GAL3ST1: variants seen among roughly 807,000 people sequenced by gnomAD.
GAL3ST1 encodes the protein galactose-3-O-sulfotransferase 1.
GAL3ST1 carries 13 observed loss-of-function variants against 25.0 expected under a neutral mutation model. The observed-to-expected ratio is 0.52, with a 90% CI of 0.34 to 0.83. The LOEUF is 0.83. Among genes scored for constraint, GAL3ST1 ranks in the 40% least tolerant of loss-of-function variants. The pLI is 0.02. For missense variants in GAL3ST1, 474 were observed against 613.6 expected (o/e 0.77, Z 2.40); for synonymous variants, 274 against 277.8 (o/e 0.99, Z 0.14).
chr22:30,568,731 T>C (rs544875998), intron 1 of GAL3ST1, among the ~76,000 whole-genome samples: 1 of 151,962 alleles, frequency 6.6e-6, no homozygotes, highest in African/African-American at 2.4e-5. Context: ...ATAGGCTGGG[T>C]GGGCAGGGGA....
chr22:30,572,138 T>C (rs1219810057), intron 1 of GAL3ST1, among the ~76,000 whole-genome samples: 2 of 152,190 alleles, frequency 1.3e-5, no homozygotes, highest in Non-Finnish European at 2.9e-5. Flanking sequence ...AGTCAGTCAC[T>C]TTGTCATTAG....
At chr22:30,561,940 G>A (rs2086432685) in intron 1 of GAL3ST1, among the ~76,000 whole-genome samples, 1 of 152,172 alleles carries the variant, frequency 6.6e-6, no homozygotes, top group Non-Finnish European at 1.5e-5. Context: ...CAAGATCAAG[G>A]CACACAGAGC....
chr22:30,555,603 C>T lies in GAL3ST1; in HGVS notation c.622G>A (p.Gly208Ser), dbSNP rs377326984. 4.3e-6 allele frequency: 7 copies of T among 1,613,394 alleles called. No homozygotes were observed. Among genetic ancestry groups the T allele is most frequent in the African/African-American group, 2.7e-5 (2 of 74,914 alleles). The change falls in exon 4 of 4, where the codon GGC becomes AGC. Residue 208 changes from glycine to serine, a missense_variant. This residue lies in a region of GAL3ST1 where 359 missense variants were observed against 504.4 expected (regional missense o/e 0.71). Coordinates refer to ENST00000406361, the MANE Select transcript of GAL3ST1 (RefSeq NM_001318104.2). The surrounding 1 kb of genome is among the most constrained non-coding windows in gnomAD (Gnocchi z 8.6). ...QDPDRYYDPN[G>S]FNAHYLRNLL... ...TTTCGGAGGTAGTGGGCATTGAAGC[C>T]GTTGGGGTCGTAGTAGCGATCCGGG... is the stretch of plus-strand genomic sequence containing the variant.
chr22:30,567,839 A>G (rs1194862627), intron 1 of GAL3ST1, among the ~76,000 whole-genome samples: 2 of 151,940 alleles, frequency 1.3e-5, no homozygotes, highest in East Asian at 3.9e-4. Context: ...ACCCGCCACC[A>G]CACCCAGCTA....
chr22:30,562,930 C>T (rs1003405504), intron 1 of GAL3ST1, among the ~76,000 whole-genome samples: 1 of 152,172 alleles, frequency 6.6e-6, no homozygotes, highest in Non-Finnish European at 1.5e-5. Flanking sequence ...GCCTGGCCAA[C>T]ATGCTGAAAC....
rs75344364 is a variant in GAL3ST1, at chr22:30,554,788, T to G, written c.*165A>C. Reference sequence around the variant, plus strand: ...GATCTCGGTTAGGCCCTCTCTGTGTTCATGGGCCCAGTCTTGGCTGGCTGC... The same window carrying G: ...GATCTCGGTTAGGCCCTCTCTGTGTGCATGGGCCCAGTCTTGGCTGGCTGC... On this transcript the variant is annotated 3_prime_UTR_variant, in exon 4 of 4. Transcript: ENST00000406361. The G allele has an allele frequency of 2.3e-3, 1,280 of 560,252 alleles. 14 individuals carry two copies. The highest frequency in any genetic ancestry group is 0.022 in the African/African-American group (1,157 of 52,066). 34.7% of individuals were successfully genotyped at this position (560,252 alleles called of 1,614,324 possible).
rs1275101792 is a variant in GAL3ST1, at chr22:30,555,790, G to A, written c.435C>T (p.His145=). ...GCACCAGGCCGCGCACCTCGTCGTA[G>A]TGGAAGCGCATGTGGTTGCAGATGA... ...FNIICNHMRF[H]YDEVRGLVPT... is the part of the protein sequence containing the mutation. The change falls in exon 4 of 4, where the codon CAC becomes CAT. Residue 145 remains histidine, a synonymous_variant. Transcript: ENST00000406361. The surrounding 1 kb of genome is among the most constrained non-coding windows in gnomAD (Gnocchi z 8.6). The A allele has an allele frequency of 3.1e-6, 5 of 1,614,172 alleles. No individual in the cohort carries two copies. Among genetic ancestry groups the A allele is most frequent in the Middle Eastern group, 1.6e-4 (1 of 6,062 alleles).
chr22:30,574,417 A>G (rs1333671883), intron 1 of GAL3ST1, 49 bp downstream of exon 1: 2 of 151,860 alleles, frequency 1.3e-5, no homozygotes, highest in Admixed American at 1.3e-4. Context: ...CAGGGAGTAG[A>G]CTGAGGCAGG....
chr22:30,557,771 A>C, intron 2 of GAL3ST1: 2 of 151,670 alleles, frequency 1.3e-5, no homozygotes, highest in Non-Finnish European at 1.3e-5. Context: ...AAAATGAGAC[A>C]ACTAATACTT....
At chr22:30,568,454 G>A (rs1360703051) in intron 1 of GAL3ST1, among the ~76,000 whole-genome samples, 1 of 152,144 alleles carries the variant, frequency 6.6e-6, no homozygotes, top group East Asian at 1.9e-4. Context: ...TGAACGGGGT[G>A]GTCTCCAAGG....
intron 1 of GAL3ST1, among the ~76,000 whole-genome samples, chr22:30,566,776 A>AT (rs1202435055): frequency 3.3e-5 from 5 of 151,550 alleles, no homozygotes; most frequent in African/African-American, 9.7e-5. Context: ...TGCTCGGCTA[A>AT]TTTTTTGTAT....
At chr22:30,571,238 G>T (rs114862865) in intron 1 of GAL3ST1, among the ~76,000 whole-genome samples, 1 of 152,090 alleles carries the variant, frequency 6.6e-6, no homozygotes, top group Non-Finnish European at 1.5e-5. Context: ...CAGCAGAAGG[G>T]GCGGATGGGA....
In GAL3ST1 at chr22:30,555,706, G is replaced by A; in HGVS notation, c.519C>T (p.Ser173=). The A allele has an allele frequency of 6.2e-7, 1 of 1,613,952 alleles. No homozygotes were observed. The highest frequency in any genetic ancestry group is 8.5e-7 in the Non-Finnish European group (1 of 1,180,036). The change falls in exon 4 of 4, where the codon TCC becomes TCT. Residue 173 remains serine, a synonymous_variant. Transcript: ENST00000406361. The surrounding 1 kb of genome is among the most constrained non-coding windows in gnomAD (Gnocchi z 8.6). ...LRDPARLFES[S]FHYFGPVVPL... is the part of the protein sequence containing the mutation. ...GCACCACCGGCCCGAAGTAGTGGAAGGAGGACTCGAACAAGCGGGCGGGGT... is the reference window on the plus strand; with the variant it reads ...GCACCACCGGCCCGAAGTAGTGGAAAGAGGACTCGAACAAGCGGGCGGGGT...
chr22:30,560,916 AT>A (rs1210659171), intron 1 of GAL3ST1: 1 of 151,660 alleles, frequency 6.6e-6, no homozygotes, highest in Non-Finnish European at 1.5e-5. Context: ...TCATTCACTC[AT>A]TCACTCACTG....
In GAL3ST1 at chr22:30,558,772, C is replaced by T. The variant is rs191531376; in HGVS notation, c.-119-384G>A. Among the ~76,000 whole-genome samples, 370 of 152,304 alleles carry T rather than the reference C, an allele frequency of 2.4e-3. 1 individual carries two copies. The highest frequency in any genetic ancestry group is 3.3e-3 in the Non-Finnish European group (223 of 68,028). ...TTTCCAAAGCCAGCCTGTAGGGTTG[C>T]TCAGTTAAATTCAAATTTCAGATAA... On this transcript the variant is annotated intron_variant, in intron 1 of 3. Transcript: ENST00000406361.
At chr22:30,563,474 G>A (rs2086513569) in intron 1 of GAL3ST1, among the ~76,000 whole-genome samples, 1 of 152,184 alleles carries the variant, frequency 6.6e-6, no homozygotes, top group Admixed American at 6.5e-5. Flanking sequence ...AAATTAGCCA[G>A]GCATGGTGGT....
chr22:30,556,169 G>T, intron 3 of GAL3ST1, 76 bp from the exon 4 acceptor site: 2 of 1,195,504 alleles, frequency 1.7e-6, no homozygotes, highest in Non-Finnish European at 2.4e-6. Context: ...TAGAGAGGGA[G>T]ATTATTGGGA....
At chr22:30,569,148 C>G (rs1165245770) in intron 1 of GAL3ST1, among the ~76,000 whole-genome samples, 1 of 151,534 alleles carries the variant, frequency 6.6e-6, no homozygotes, top group Non-Finnish European at 1.5e-5. Context: ...CACCTAGATC[C>G]TGTGGGCTGT....
In GAL3ST1 at chr22:30,555,603, C is replaced by G. The variant is rs377326984; in HGVS notation, c.622G>C (p.Gly208Arg). 2 of 1,613,394 alleles carry G rather than the reference C, an allele frequency of 1.2e-6. No individual in the cohort carries two copies. The highest frequency in any genetic ancestry group is 1.3e-5 in the African/African-American group (1 of 74,914). ...QDPDRYYDPN[G>R]FNAHYLRNLL... ...TTTCGGAGGTAGTGGGCATTGAAGC[C>G]GTTGGGGTCGTAGTAGCGATCCGGG... Residue 208 changes from glycine (G) to arginine (R), a missense_variant, in exon 4 of 4, where the codon GGC (glycine) becomes CGC (arginine). Transcript: ENST00000406361. This position sits in a 1 kb window ranked among gnomAD's most constrained non-coding sequence, Gnocchi z 8.6.
Sources: allele counts gnomAD v4.1 joint callset (sites outside exome capture counted in the v4.1 genomes callset), GRCh38; gene constraint gnomAD v4.1.1; regional missense constraint gnomAD v4.1.1; non-coding constraint Gnocchi (gnomAD v3.1); transcripts MANE v1.5; gene names NCBI Gene and HGNC (gene_info 2026-07-23, HGNC 2026-07-21).